Variants in CCDC178 observed in about 807,000 individuals in gnomAD.
The protein encoded by CCDC178 is coiled-coil domain-containing protein 178.
A neutral mutation model predicts 117.4 loss-of-function variants in CCDC178; 126 were observed. The ratio of observed to expected loss-of-function variants is 1.07; its 90% CI spans 0.93 to 1.24. The LOEUF is 1.24. Among genes scored for constraint, CCDC178 ranks in the 50% most tolerant of loss-of-function variants. CCDC178 has a pLI of 0.00. For missense variants in CCDC178, 1,030 were observed against 986.9 expected, an observed-to-expected ratio of 1.04 and a Z score of -0.59; for synonymous variants, 283 against 313.4, an observed-to-expected ratio of 0.90 and a Z score of 1.02.
chr18:33,142,905 G>A (rs543142151), intron 20 of CCDC178, among the ~76,000 whole-genome samples: 1 of 152,204 alleles, frequency 6.6e-6, no homozygotes, highest in East Asian at 1.9e-4. Flanking sequence ...GCTTGGGAGT[G>A]TTAGAGGGAG....
At chr18:33,400,465 T>G (rs1263847681) in intron 3 of CCDC178, among the ~76,000 whole-genome samples, 3 of 152,244 alleles carry the variant, frequency 2.0e-5, no homozygotes, top group Non-Finnish European at 2.9e-5. Context: ...CCAGATTTTC[T>G]GGATAACTTG....
intron 20 of CCDC178, among the ~76,000 whole-genome samples, chr18:33,198,191 C>T (rs532047287): frequency 2.6e-5 from 4 of 152,284 alleles, no homozygotes; most frequent in African/African-American, 9.6e-5. Flanking sequence ...TAACAGGGAA[C>T]ACTTGGTGCT....
intron 9 of CCDC178, among the ~76,000 whole-genome samples, chr18:33,336,232 T>C (rs951433192): frequency 3.3e-5 from 5 of 152,230 alleles, no homozygotes; most frequent in African/African-American, 4.8e-5. Flanking sequence ...TGAGGATTAG[T>C]AGACCTTTGG....
intron 14 of CCDC178, among the ~76,000 whole-genome samples, chr18:33,250,754 C>A (rs970370888): frequency 6.6e-6 from 1 of 151,146 alleles, no homozygotes; most frequent in African/African-American, 2.4e-5. Flanking sequence ...AAAACTATAC[C>A]CGAAAAATTT....
At chr18:33,196,373 G>T (rs184630185) in intron 20 of CCDC178, among the ~76,000 whole-genome samples, 56 of 152,210 alleles carry the variant, frequency 3.7e-4, no homozygotes, top group African/African-American at 1.3e-3. Context: ...AAGGATGAAC[G>T]GAAGCTCCGT....
intron 21 of CCDC178, among the ~76,000 whole-genome samples, chr18:32,978,996 C>T (rs2055086582): frequency 2.0e-5 from 3 of 149,802 alleles, no homozygotes; most frequent in Admixed American, 6.7e-5. Flanking sequence ...GAGATCGCGC[C>T]ATTCCTCTCC....
intron 20 of CCDC178, among the ~76,000 whole-genome samples, chr18:33,197,179 C>T (rs2058940577): frequency 6.6e-6 from 1 of 152,060 alleles, no homozygotes; most frequent in African/African-American, 2.4e-5. Context: ...AGGTGTGTGC[C>T]ACTATTCTTG....
intron 2 of CCDC178, among the ~76,000 whole-genome samples, chr18:33,430,713 T>G (rs1049249744): frequency 5.3e-5 from 8 of 152,206 alleles, no homozygotes; most frequent in Admixed American, 3.3e-4. Context: ...ACTGTGATGT[T>G]GGACTTTTGC....
chr18:33,232,232 T>G (rs1049915022), intron 15 of CCDC178, among the ~76,000 whole-genome samples: 1 of 152,094 alleles, frequency 6.6e-6, no homozygotes, highest in African/African-American at 2.4e-5. Context: ...AGCAGAGAGC[T>G]ACACTGCTGG....
At chr18:33,300,253 C>T (rs1256183023) in intron 11 of CCDC178, among the ~76,000 whole-genome samples, 2 of 152,180 alleles carry the variant, frequency 1.3e-5, no homozygotes, top group Non-Finnish European at 2.9e-5. Context: ...AATGTTGCTG[C>T]CATGCTTCTA....
In CCDC178 at chr18:33,074,905, T is replaced by C. The variant is rs540226211; in HGVS notation, c.2388+17856A>G. Among the ~76,000 whole-genome samples the C allele has an allele frequency of 2.9e-4, 44 of 152,278 alleles. 1 individual carries two copies. Among genetic ancestry groups the C allele is most frequent in the Middle Eastern group, 3.4e-3 (1 of 294 alleles). ...TGGACTCAAAAATGAGTTCTTGAGA[T>C]GGCAGATACTACAGTATATTTGTAT... On this transcript the variant is annotated intron_variant, in intron 21 of 22. Transcript: ENST00000383096.
chr18:33,280,117 T>A (rs1286774184), intron 12 of CCDC178, among the ~76,000 whole-genome samples: 1 of 150,798 alleles, frequency 6.6e-6, no homozygotes, highest in African/African-American at 2.5e-5. Flanking sequence ...CTAATTAAAC[T>A]CAAGAGCTTC....
chr18:33,131,364 G>A (rs894860872), intron 20 of CCDC178, among the ~76,000 whole-genome samples: 2 of 151,270 alleles, frequency 1.3e-5, no homozygotes, highest in Admixed American at 6.6e-5. Flanking sequence ...ATACTTGTTC[G>A]TTATAAACTC....
chr18:33,178,657 C>A (rs576722565), intron 20 of CCDC178, among the ~76,000 whole-genome samples: 2 of 152,176 alleles, frequency 1.3e-5, no homozygotes, highest in South Asian at 2.1e-4. Context: ...TTTGGCTGAC[C>A]TGGTCTATTC....
At chr18:33,264,910 G>A (rs2144760094) in intron 14 of CCDC178, among the ~76,000 whole-genome samples, 1 of 152,076 alleles carries the variant, frequency 6.6e-6, no homozygotes, top group Non-Finnish European at 1.5e-5. Context: ...TGGGGGTTGT[G>A]TGTTACTGCA....
intron 21 of CCDC178, among the ~76,000 whole-genome samples, chr18:33,063,644 C>G (rs948513391): frequency 1.3e-5 from 2 of 152,140 alleles, no homozygotes; most frequent in African/African-American, 4.8e-5. Context: ...CCCAAGGGAC[C>G]TCCCACCTTC....
chr18:33,423,693 C>T (rs765371762), intron 2 of CCDC178, among the ~76,000 whole-genome samples: 3 of 152,014 alleles, frequency 2.0e-5, no homozygotes, highest in Non-Finnish European at 4.4e-5. Context: ...CTTTGCATTA[C>T]GAAGATCTTC....
chr18:33,056,748 C>G (rs952509295), intron 21 of CCDC178, among the ~76,000 whole-genome samples: 1 of 152,022 alleles, frequency 6.6e-6, no homozygotes, highest in Non-Finnish European at 1.5e-5. Context: ...AAAGGGAGAT[C>G]CATCATTGGT....
At chr18:33,397,093 A>T (rs553792482) in intron 4 of CCDC178, 56 bp downstream of exon 4, 1 of 1,148,746 alleles carries the variant, frequency 8.7e-7, no homozygotes, top group South Asian at 1.4e-5. Flanking sequence ...TTTTGAAAAC[A>T]ATTAATATGT....
Sources: allele counts gnomAD v4.1 joint callset (sites outside exome capture counted in the v4.1 genomes callset), GRCh38; gene constraint gnomAD v4.1.1; transcripts MANE v1.5; gene names NCBI Gene and HGNC (gene_info 2026-07-23, HGNC 2026-07-21).